The following FAR2 variants were observed in gnomAD, a reference collection of about 807,000 sequenced individuals.
FAR2 encodes the protein fatty acyl-CoA reductase 2.
Under a neutral mutation model 56.0 loss-of-function variants are expected in FAR2, and 19 were observed. That is an observed-to-expected ratio of 0.34 (90% CI 0.24 to 0.50). The LOEUF is 0.50. Among genes scored for constraint, FAR2 ranks in the 20% least tolerant of loss-of-function variants. The pLI, the probability that FAR2 is intolerant of heterozygous loss-of-function variation, is 0.98. For synonymous variants in FAR2, 219 were observed against 218.8 expected (o/e 1.00, Z -0.01); for missense variants, 508 against 642.2 (o/e 0.79, Z 2.26).
At position 29,267,291 on chromosome 12, in the gene FAR2, T is replaced by C. The variant is rs537059942; in HGVS notation, c.-38-3121T>C. Among the ~76,000 whole-genome samples the C allele has an allele frequency of 5.3e-5, 8 of 152,324 alleles. No individual in the cohort carries two copies. In the East Asian group the frequency reaches 1.2e-3, roughly 22 times the overall value. On this transcript the variant is annotated intron_variant, in intron 1 of 11. Coordinates refer to ENST00000536681, the MANE Select transcript of FAR2 (RefSeq NM_001271783.2). ...AGAAAAAATGTAAAACCAGTGACTA[T>C]GCTAATAGCCAATATTTGAGTCTAT...
At chr12:29,263,133 G>C (rs1177473022) in intron 1 of FAR2, among the ~76,000 whole-genome samples, 1 of 152,066 alleles carries the variant, frequency 6.6e-6, no homozygotes, top group Non-Finnish European at 1.5e-5. Flanking sequence ...CAACACTGGA[G>C]CCCCCCAGAT....
chr12:29,177,840 AAAC>A (rs991474741), intron 1 of FAR2, among the ~76,000 whole-genome samples: 1 of 151,334 alleles, frequency 6.6e-6, no homozygotes, highest in African/African-American at 2.4e-5. Flanking sequence ...AGCACAAAAA[AAAC>A]AAACAAAAAA....
At chr12:29,276,779 A>AT (rs1220516211) in intron 2 of FAR2, among the ~76,000 whole-genome samples, 1 of 151,682 alleles carries the variant, frequency 6.6e-6, no homozygotes, top group Non-Finnish European at 1.5e-5. Flanking sequence ...ATAAAATTGT[A>AT]TTTTTTTATA....
chr12:29,266,992 C>G (rs1304796257), intron 1 of FAR2, among the ~76,000 whole-genome samples: 3 of 152,074 alleles, frequency 2.0e-5, no homozygotes, highest in Non-Finnish European at 2.9e-5. Context: ...TGGGAAGTCA[C>G]CCTCTCCAAA....
At chr12:29,285,192 A>C (rs963201412) in intron 2 of FAR2, among the ~76,000 whole-genome samples, 1 of 152,152 alleles carries the variant, frequency 6.6e-6, no homozygotes. Context: ...TAGGGAAAAA[A>C]AAGTGTGTTC....
chr12:29,277,112 G>C (rs1948712864), intron 2 of FAR2, among the ~76,000 whole-genome samples: 1 of 152,042 alleles, frequency 6.6e-6, no homozygotes, highest in Admixed American at 6.6e-5. Flanking sequence ...CGAGTAGCTG[G>C]GATTACAGGC....
chr12:29,265,216 C>G (rs1404045494), intron 1 of FAR2, among the ~76,000 whole-genome samples: 4 of 152,140 alleles, frequency 2.6e-5, no homozygotes, highest in African/African-American at 7.2e-5. Flanking sequence ...CCAGATCTGC[C>G]AAAGCTATCC....
At chr12:29,249,258 A>G (rs1440429042) in intron 1 of FAR2, among the ~76,000 whole-genome samples, 1 of 152,220 alleles carries the variant, frequency 6.6e-6, no homozygotes, top group African/African-American at 2.4e-5. Flanking sequence ...TAAAATCTTC[A>G]CAATCCACGT....
chr12:29,282,206 G>A (rs750681489), intron 2 of FAR2: 1 of 152,106 alleles, frequency 6.6e-6, no homozygotes, highest in Non-Finnish European at 1.5e-5. Flanking sequence ...ATGCTGATTG[G>A]AAAAGTGTCA....
intron 1 of FAR2, among the ~76,000 whole-genome samples, chr12:29,194,542 C>CACACAT (rs1950129600): frequency 6.6e-6 from 1 of 151,558 alleles, no homozygotes; most frequent in African/African-American, 2.4e-5. Flanking sequence ...CACACACACA[C>CACACAT]ACACACACAC....
chr12:29,204,015 A>AG, intron 1 of FAR2, among the ~76,000 whole-genome samples: 8 of 149,454 alleles, frequency 5.4e-5, no homozygotes, highest in Non-Finnish European at 8.9e-5. Flanking sequence ...AAAAAAAAAA[A>AG]AAAAAAAAGA....
At chr12:29,196,063 G>T (rs528448263) in intron 1 of FAR2, among the ~76,000 whole-genome samples, 2 of 152,190 alleles carry the variant, frequency 1.3e-5, no homozygotes, top group African/African-American at 4.8e-5. Context: ...GTATTCCATT[G>T]TGTACATGAC....
intron 4 of FAR2, among the ~76,000 whole-genome samples, chr12:29,298,742 T>C (rs989331892): frequency 6.6e-5 from 10 of 152,220 alleles, no homozygotes; most frequent in African/African-American, 2.2e-4. Context: ...AGTTACCCTC[T>C]TATGGTGTTG....
chr12:29,274,604 G>A (rs575035465), intron 2 of FAR2, among the ~76,000 whole-genome samples: 25 of 152,092 alleles, frequency 1.6e-4, no homozygotes, highest in South Asian at 8.3e-4. Context: ...TGACCTGCAC[G>A]TACACATCCA....
intron 1 of FAR2, among the ~76,000 whole-genome samples, chr12:29,171,080 A>G (rs541653744): frequency 6.6e-6 from 1 of 152,338 alleles, no homozygotes; most frequent in East Asian, 1.9e-4. Flanking sequence ...GAAATACCTG[A>G]TTACAGGCTG....
chr12:29,199,673 G>GGT, intron 1 of FAR2, among the ~76,000 whole-genome samples: 1 of 132,518 alleles, frequency 7.5e-6, no homozygotes. Flanking sequence ...GAGGCAGAAT[G>GGT]GACAAGATTC....
intron 1 of FAR2, among the ~76,000 whole-genome samples, chr12:29,164,049 G>C (rs548074024): frequency 3.8e-4 from 58 of 152,252 alleles, no homozygotes; most frequent in South Asian, 3.3e-3. Flanking sequence ...ACCCTCTAAG[G>C]GGCTGTACTG....
intron 1 of FAR2, among the ~76,000 whole-genome samples, 169 bp from the exon 2 acceptor site, chr12:29,270,243 T>C (rs1021597929): frequency 6.6e-6 from 1 of 152,212 alleles, no homozygotes; most frequent in Non-Finnish European, 1.5e-5. Flanking sequence ...GAGAACTCAA[T>C]AAATATTGAT....
chr12:29,253,863 A>G (rs969218554), intron 1 of FAR2, among the ~76,000 whole-genome samples: 7 of 152,240 alleles, frequency 4.6e-5, no homozygotes, highest in African/African-American at 1.7e-4. Context: ...AGTGTGTAGC[A>G]CATAGTAGAC....
Sources: gnomAD v4.1 joint callset for allele counts (sites outside exome capture counted in the v4.1 genomes callset) on GRCh38, gnomAD v4.1.1 for gene constraint, MANE v1.5 for transcripts, NCBI Gene and HGNC (gene_info 2026-07-23, HGNC 2026-07-21) for gene names.